Variants in TMEM87B observed in about 807,000 individuals in gnomAD.
TMEM87B encodes transmembrane protein 87B.
In TMEM87B, 83 loss-of-function variants were observed where a neutral mutation model predicts 80.3. That is an observed-to-expected ratio of 1.03 (90% confidence interval 0.87 to 1.24). TMEM87B has a LOEUF of 1.24. TMEM87B is among the 50% of genes most tolerant of loss of function. The pLI, the probability that TMEM87B is intolerant of heterozygous loss-of-function variation, is 0.00. For missense variants in TMEM87B, 625 were observed against 674.4 expected (o/e 0.93, Z 0.81); for synonymous variants, 219 against 230.5 (o/e 0.95, Z 0.45).
intron 18 of TMEM87B, among the ~76,000 whole-genome samples, chr2:112,115,800 T>A (rs529859873): frequency 6.6e-6 from 1 of 152,262 alleles, no homozygotes; most frequent in South Asian, 2.1e-4. Flanking sequence ...GGTTATTTTT[T>A]AATTTTTAAA....
intron 9 of TMEM87B, among the ~76,000 whole-genome samples, chr2:112,087,945 C>T (rs778322012): frequency 7.9e-5 from 12 of 152,158 alleles, no homozygotes; most frequent in Non-Finnish European, 1.6e-4. Context: ...TCTGGGAGCT[C>T]GTCTTCCATC....
At chr2:112,084,648 C>G (rs1437893926) in intron 8 of TMEM87B, among the ~76,000 whole-genome samples, 2 of 152,206 alleles carry the variant, frequency 1.3e-5, no homozygotes, top group African/African-American at 4.8e-5. Context: ...CAAGATGGAG[C>G]TGAAAACAGT....
chr2:112,060,261 A>G (rs1678207184), intron 2 of TMEM87B, among the ~76,000 whole-genome samples: 1 of 151,732 alleles, frequency 6.6e-6, no homozygotes, highest in South Asian at 2.1e-4. Flanking sequence ...AGGCAGGAGA[A>G]TCACTTGAAC....
chr2:112,094,861 C>A (rs1397405440), intron 11 of TMEM87B, among the ~76,000 whole-genome samples: 1 of 151,660 alleles, frequency 6.6e-6, no homozygotes, highest in African/African-American at 2.4e-5. Flanking sequence ...ATTTTTATCA[C>A]TAAAATGAAA....
intron 5 of TMEM87B, among the ~76,000 whole-genome samples, chr2:112,076,017 T>C (rs1018720401): frequency 6.6e-6 from 1 of 152,226 alleles, no homozygotes; most frequent in Admixed American, 6.5e-5. Context: ...GAAATTTGAA[T>C]CATTTAGCTT....
chr2:112,061,760 T>C (rs574584274), intron 2 of TMEM87B, among the ~76,000 whole-genome samples: 3 of 152,236 alleles, frequency 2.0e-5, no homozygotes, highest in Non-Finnish European at 4.4e-5. Context: ...GACGTTGTTA[T>C]TAACTTATCT....
chr2:112,086,159 T>C, intron 9 of TMEM87B, 55 bp downstream of exon 9: 5 of 1,400,168 alleles, frequency 3.6e-6, no homozygotes, highest in Non-Finnish European at 5.0e-6. Flanking sequence ...ATTCAGTCCG[T>C]CTACATTATG....
intron 6 of TMEM87B, 138 bp from the exon 7 acceptor site, chr2:112,080,910 ACTAATTGTC>A: frequency 1.5e-6 from 1 of 649,468 alleles, no homozygotes; most frequent in South Asian, 2.0e-5. Flanking sequence ...TCAAACAAAT[ACTAATTGTC>A]CAATACCATG....
At chr2:112,070,701 G>A (rs1416057163) in intron 4 of TMEM87B, among the ~76,000 whole-genome samples, 1 of 152,056 alleles carries the variant, frequency 6.6e-6, no homozygotes, top group Non-Finnish European at 1.5e-5. Flanking sequence ...GTTTTTTCTA[G>A]TTTTGTGAAG....
intron 11 of TMEM87B, chr2:112,095,331 C>G: frequency 2.0e-6 from 2 of 984,460 alleles, no homozygotes; most frequent in Non-Finnish European, 2.4e-6. Flanking sequence ...AGCGCGCTCT[C>G]ACTTCAGGAT....
chr2:112,091,935 A>C (rs1308003571), intron 11 of TMEM87B, 152 bp downstream of exon 11: 5 of 618,242 alleles, frequency 8.1e-6, no homozygotes, highest in African/African-American at 1.9e-5. Flanking sequence ...GCAACTACCC[A>C]AACAAGGAAT....
intron 6 of TMEM87B, among the ~76,000 whole-genome samples, chr2:112,080,228 C>G (rs1403836670): frequency 6.7e-6 from 1 of 149,742 alleles, no homozygotes; most frequent in African/African-American, 2.5e-5. Context: ...AACGCCCAGC[C>G]CCTTGCCCAT....
Position 112,097,278 on chromosome 2 carries a change from C to G in TMEM87B, c.1259C>G (p.Ala420Gly), listed in dbSNP as rs1191237816. ...TGGACAACTAAGACATTTAGAATTG[C>G]AAAATGCCAATCAGTAAGTATAACC... is the stretch of plus-strand genomic sequence containing the variant. ...MGWTTKTFRI[A>G]KCQSDWMERW... Residue 420 changes from alanine to glycine, a missense_variant, in exon 13 of 19, where the codon GCA becomes GGA. Physicochemically the swap from Ala to Gly is moderately conservative, Grantham distance 60. Coordinates refer to ENST00000283206, the MANE Select transcript of TMEM87B (RefSeq NM_032824.3). 5.0e-6 allele frequency: 8 copies of G among 1,605,124 alleles called. No individual in the cohort carries two copies. In the South Asian group the frequency reaches 5.6e-5, roughly 11 times the overall value.
chr2:112,071,358 A>G (rs1010484025), intron 4 of TMEM87B, among the ~76,000 whole-genome samples: 4 of 131,796 alleles, frequency 3.0e-5, no homozygotes, highest in African/African-American at 8.5e-5. Context: ...CTGGAGTGCA[A>G]TGGCGCAGTC....
chr2:112,085,437 A>T (rs928957065), intron 8 of TMEM87B, among the ~76,000 whole-genome samples: 1 of 152,012 alleles, frequency 6.6e-6, no homozygotes, highest in Non-Finnish European at 1.5e-5. Context: ...ACCCAATTCT[A>T]GTTCCCCCAG....
intron 8 of TMEM87B, among the ~76,000 whole-genome samples, chr2:112,085,331 G>A (rs148194856): frequency 8.5e-4 from 129 of 152,302 alleles, no homozygotes; most frequent in South Asian, 2.9e-3. Flanking sequence ...TGCACGTGCC[G>A]TGTTCTTTGC....
chr2:112,109,406 T>G (rs567822719), intron 17 of TMEM87B, among the ~76,000 whole-genome samples: 9 of 152,146 alleles, frequency 5.9e-5, no homozygotes, highest in Non-Finnish European at 1.2e-4. Context: ...TCAATTTTAT[T>G]TATGTGAAAA....
chr2:112,065,814 C>G (rs1678416717), intron 3 of TMEM87B, among the ~76,000 whole-genome samples: 1 of 152,066 alleles, frequency 6.6e-6, no homozygotes, highest in Admixed American at 6.6e-5. Flanking sequence ...ATCTGGATTT[C>G]CCCCCTTTTT....
At chr2:112,108,646 T>C (rs116568470) in intron 17 of TMEM87B, among the ~76,000 whole-genome samples, 1,667 of 152,324 alleles carry the variant, frequency 0.011, 31 homozygotes, top group African/African-American at 0.038. Flanking sequence ...TTAGTTCTTA[T>C]CTGTGTTCCT....
Sources: gnomAD v4.1 joint callset for allele counts (sites outside exome capture counted in the v4.1 genomes callset) on GRCh38, gnomAD v4.1.1 for gene constraint, MANE v1.5 for transcripts, NCBI Gene and HGNC (gene_info 2026-07-23, HGNC 2026-07-21) for gene names.